Variants in TENM2 observed in about 807,000 individuals in gnomAD.
The protein encoded by TENM2 is teneurin transmembrane protein 2.
In TENM2, 52 loss-of-function variants were observed where a neutral mutation model predicts 245.2. That is an observed-to-expected ratio of 0.21 (90% CI 0.17 to 0.27). The LOEUF is 0.27. Ranked by LOEUF, TENM2 falls within the 10% of genes least tolerant of loss-of-function variation. The pLI, the probability that TENM2 is intolerant of heterozygous loss-of-function variation, is 1.00. For synonymous variants in TENM2, 1,363 were observed against 1,438.9 expected, an observed-to-expected ratio of 0.95 and a Z score of 1.19; for missense variants, 3,046 against 3,666.8, an observed-to-expected ratio of 0.83 and a Z score of 4.37.
At chr5:167,509,858 G>A (rs1053143568) in intron 2 of TENM2, among the ~76,000 whole-genome samples, 10 of 152,178 alleles carry the variant, frequency 6.6e-5, no homozygotes, top group Non-Finnish European at 1.3e-4. Flanking sequence ...AAGTGGCATA[G>A]CCAGGTTTTG....
chr5:167,509,098 G>T (rs1769753290), intron 2 of TENM2, among the ~76,000 whole-genome samples: 1 of 152,230 alleles, frequency 6.6e-6, no homozygotes, highest in South Asian at 2.1e-4. Flanking sequence ...GATTGTAGGT[G>T]TGAGCCACCC....
chr5:167,020,760 G>C, the TENM2 span, among the ~76,000 whole-genome samples: 1 of 152,152 alleles, frequency 6.6e-6, no homozygotes, highest in Admixed American at 6.6e-5. Flanking sequence ...ATGAAAAGTG[G>C]TATATATCCA....
At chr5:168,012,774 G>GA (rs3056563) in intron 5 of TENM2, among the ~76,000 whole-genome samples, 7,841 of 73,748 alleles carry the variant, frequency 0.11, 409 homozygotes, top group Non-Finnish European at 0.12. Context: ...AAGAACAACT[G>GA]AAAAAAAAAA....
intron 2 of TENM2, among the ~76,000 whole-genome samples, chr5:167,807,796 C>T (rs995952887): frequency 6.6e-6 from 1 of 152,010 alleles, no homozygotes; most frequent in Non-Finnish European, 1.5e-5. Flanking sequence ...CTCCCTAGAG[C>T]AGTGGTTTCT....
At chr5:167,234,534 C>A in the TENM2 span, among the ~76,000 whole-genome samples, 1 of 152,218 alleles carries the variant, frequency 6.6e-6, no homozygotes, top group Non-Finnish European at 1.5e-5. Context: ...TAACCCATTT[C>A]TTAGAAGCCA....
chr5:167,644,603 A>G (rs1779811198), intron 2 of TENM2, among the ~76,000 whole-genome samples: 1 of 152,234 alleles, frequency 6.6e-6, no homozygotes, highest in Non-Finnish European at 1.5e-5. Flanking sequence ...TAAACGCCTC[A>G]TGACATAGCT....
At chr5:167,835,497 C>T (rs1768906778) in intron 2 of TENM2, among the ~76,000 whole-genome samples, 1 of 152,206 alleles carries the variant, frequency 6.6e-6, no homozygotes. Context: ...CTCTGCCCCT[C>T]CTCTGCCTGA....
intron 9 of TENM2, among the ~76,000 whole-genome samples, chr5:168,104,762 C>T (rs1014484591): frequency 1.3e-5 from 2 of 152,098 alleles, no homozygotes; most frequent in Non-Finnish European, 2.9e-5. Context: ...CTCACAATCT[C>T]GGGGGCCCTG....
chr5:167,115,602 G>C, the TENM2 span, among the ~76,000 whole-genome samples: 4 of 152,190 alleles, frequency 2.6e-5, no homozygotes, highest in East Asian at 3.9e-4. Context: ...TCAGTAGTTA[G>C]CTGGTTATAA....
chr5:168,203,875 T>G (rs1247130031), intron 18 of TENM2, 43 bp downstream of exon 20: 1 of 1,549,464 alleles, frequency 6.5e-7, no homozygotes, highest in South Asian at 1.2e-5. Context: ...CCTTGCCACT[T>G]CTCTGGAACC....
chr5:168,227,966 A>G lies in TENM2; in HGVS notation c.5356A>G (p.Ile1786Val), dbSNP rs1164815003. Residue 1786 changes from isoleucine (I) to valine (V), a missense_variant, in exon 25 of 29, where the codon ATC (isoleucine) becomes GTC (valine). Coordinates refer to ENST00000518659, the Ensembl canonical transcript of TENM2. Reference sequence around the variant, plus strand: ...GGTGATGTATGCTAATGGGATGGGTATCAGCTTCCACAGCGAGCCCCATGT... The same window carrying G: ...GGTGATGTATGCTAATGGGATGGGTGTCAGCTTCCACAGCGAGCCCCATGT... 4.3e-6 allele frequency: 7 copies of G among 1,613,674 alleles called. No individual in the cohort carries two copies. The Admixed American group carries it at 1.0e-4, about 23-fold the overall frequency.
chr5:168,096,261 C>T (rs1420516395), intron 8 of TENM2, among the ~76,000 whole-genome samples: 4 of 152,120 alleles, frequency 2.6e-5, no homozygotes, highest in Non-Finnish European at 5.9e-5. Context: ...CTCCCAGCAC[C>T]GTGTGAAATT....
intron 2 of TENM2, among the ~76,000 whole-genome samples, chr5:167,874,084 A>G (rs1322499908): frequency 6.6e-6 from 1 of 152,026 alleles, no homozygotes; most frequent in Non-Finnish European, 1.5e-5. Context: ...CTCAGGTATC[A>G]CCTTTCCCAG....
chr5:168,107,283 G>T (rs1439806716), intron 9 of TENM2, among the ~76,000 whole-genome samples: 3 of 151,918 alleles, frequency 2.0e-5, no homozygotes, highest in Admixed American at 6.6e-5. Flanking sequence ...TGCTCACTCG[G>T]CTACCAACCT....
At chr5:167,607,852 G>T (rs533285083) in intron 2 of TENM2, among the ~76,000 whole-genome samples, 1 of 152,128 alleles carries the variant, frequency 6.6e-6, no homozygotes, top group Non-Finnish European at 1.5e-5. Flanking sequence ...AAAGAATATC[G>T]TGGAATACAG....
At chr5:167,876,149 A>C (rs1315017234) in exon 3 of TENM2, 10 of 1,551,650 alleles carry the variant, frequency 6.4e-6, no homozygotes, top group Non-Finnish European at 8.7e-6. Flanking sequence ...CCCCCAATTC[A>C]TACCTGCTCA....
chr5:167,555,213 C>T (rs962927218), intron 2 of TENM2, among the ~76,000 whole-genome samples: 6 of 152,254 alleles, frequency 3.9e-5, no homozygotes, highest in African/African-American at 1.2e-4. Context: ...GGGCTGGCTA[C>T]GACAACCAAA....
intron 4 of TENM2, among the ~76,000 whole-genome samples, chr5:167,971,136 C>T (rs1234127335): frequency 6.6e-6 from 1 of 151,542 alleles, no homozygotes; most frequent in Non-Finnish European, 1.5e-5. Context: ...CAGAGCTTAC[C>T]CCAAATAGCT....
intron 9 of TENM2, 139 bp from the exon 12 acceptor site, chr5:168,118,153 G>T (rs1053372980): frequency 7.2e-6 from 4 of 551,968 alleles, no homozygotes; most frequent in Non-Finnish European, 1.2e-5. Flanking sequence ...CAATGGTTCT[G>T]CACCTGCACA....
Sources: allele counts gnomAD v4.1 joint callset (sites outside exome capture counted in the v4.1 genomes callset), GRCh38; gene constraint gnomAD v4.1.1; transcripts MANE v1.5; gene names NCBI Gene and HGNC (gene_info 2026-07-23, HGNC 2026-07-21).